The following ULK4 variants were observed in gnomAD, a reference collection of about 807,000 sequenced individuals.
ULK4 encodes the protein inactive serine/threonine-protein kinase ULK4.
A neutral mutation model predicts 160.6 loss-of-function variants in ULK4; 133 were observed. The ratio of observed to expected loss-of-function variants is 0.83; its 90% confidence interval spans 0.72 to 0.96. The LOEUF is 0.96. Ranked by LOEUF, ULK4 falls within the 40% of genes least tolerant of loss-of-function variation. The pLI is 0.00. For synonymous variants in ULK4, 534 were observed against 539.8 expected (o/e 0.99, Z 0.15); for missense variants, 1,580 against 1,499.5 (o/e 1.05, Z -0.89).
chr3:41,565,213 G>C (rs62256902), intron 32 of ULK4, among the ~76,000 whole-genome samples: 1 of 152,164 alleles, frequency 6.6e-6, no homozygotes, highest in Admixed American at 6.5e-5. Context: ...ACAGATTGCC[G>C]TAGTTACGTA....
intron 35 of ULK4, among the ~76,000 whole-genome samples, chr3:41,265,215 G>A (rs1222545727): frequency 1.3e-5 from 2 of 152,204 alleles, no homozygotes; most frequent in Admixed American, 6.5e-5. Flanking sequence ...AGGGGGCCAC[G>A]GCCAGCCAAA....
intron 22 of ULK4, among the ~76,000 whole-genome samples, chr3:41,738,806 T>C (rs1411587711): frequency 6.6e-6 from 1 of 151,988 alleles, no homozygotes; most frequent in African/African-American, 2.4e-5. Flanking sequence ...TGTGTGCCTC[T>C]CATTATCTGA....
chr3:41,632,471 C>T (rs753653491), intron 30 of ULK4, among the ~76,000 whole-genome samples: 2 of 152,132 alleles, frequency 1.3e-5, no homozygotes, highest in Non-Finnish European at 2.9e-5. Context: ...ACTTGATAAA[C>T]ATTTGTTTGG....
intron 35 of ULK4, among the ~76,000 whole-genome samples, chr3:41,279,034 G>A (rs544701261): frequency 6.6e-6 from 1 of 152,146 alleles, no homozygotes; most frequent in Admixed American, 6.5e-5. Context: ...CCATTGCAAG[G>A]AAGCTAAAAA....
At chr3:41,364,259 G>A (rs1481297572) in intron 35 of ULK4, among the ~76,000 whole-genome samples, 1 of 152,108 alleles carries the variant, frequency 6.6e-6, no homozygotes, top group Non-Finnish European at 1.5e-5. Context: ...TCTTAATCCA[G>A]TCACTGGTGA....
intron 34 of ULK4, among the ~76,000 whole-genome samples, chr3:41,412,926 T>C (rs1209471248): frequency 6.6e-6 from 1 of 152,152 alleles, no homozygotes; most frequent in Non-Finnish European, 1.5e-5. Flanking sequence ...TGCCCTTGCA[T>C]CATGTAACAA....
chr3:41,776,584 G>GGGCCAGATGCCGTGGCTC (rs1553650530), intron 21 of ULK4, among the ~76,000 whole-genome samples: 3 of 146,474 alleles, frequency 2.0e-5, no homozygotes, highest in African/African-American at 2.6e-5. Context: ...GGTACAAAAT[G>GGGCCAGATGCCGTGGCTC]AAATACGTCC....
chr3:41,315,800 T>C (rs1472753923), intron 35 of ULK4, among the ~76,000 whole-genome samples: 2 of 152,150 alleles, frequency 1.3e-5, no homozygotes, highest in East Asian at 1.9e-4. Context: ...TCAATATCAT[T>C]AGCCATCAGG....
At chr3:41,382,136 C>G (rs1420879634) in intron 35 of ULK4, among the ~76,000 whole-genome samples, 1 of 152,112 alleles carries the variant, frequency 6.6e-6, no homozygotes, top group African/African-American at 2.4e-5. Flanking sequence ...TCCTTTCTCT[C>G]TATATTTTTC....
chr3:41,339,626 C>A (rs547775521), intron 35 of ULK4, among the ~76,000 whole-genome samples: 1 of 152,294 alleles, frequency 6.6e-6, no homozygotes, highest in Admixed American at 6.5e-5. Flanking sequence ...CTGGTGAGGG[C>A]CAGGTGGAAT....
intron 18 of ULK4, among the ~76,000 whole-genome samples, chr3:41,833,286 G>GTTTTTTTTTT (rs767254673): frequency 9.1e-6 from 1 of 109,518 alleles, no homozygotes; most frequent in East Asian, 2.2e-4. Flanking sequence ...TTTTTTTTTT[G>GTTTTTTTTTT]TTTTTTTTTT....
chr3:41,353,163 T>G (rs1223215243), intron 35 of ULK4, among the ~76,000 whole-genome samples: 2 of 152,312 alleles, frequency 1.3e-5, no homozygotes, highest in East Asian at 3.9e-4. Flanking sequence ...TGGTACCCGT[T>G]GCTCCTGGGT....
At chr3:41,496,434 A>G (rs567680149) in intron 32 of ULK4, among the ~76,000 whole-genome samples, 111 of 152,224 alleles carry the variant, frequency 7.3e-4, no homozygotes, top group African/African-American at 2.4e-3. Flanking sequence ...AATGAGCCCC[A>G]TAACCACCCC....
At chr3:41,806,439 C>T (rs1288713699) in intron 19 of ULK4, among the ~76,000 whole-genome samples, 2 of 152,114 alleles carry the variant, frequency 1.3e-5, no homozygotes, top group East Asian at 3.8e-4. Context: ...AAACCAGCTC[C>T]TGGATTCATT....
chr3:41,247,831 G>A (rs1161309139), intron 36 of ULK4, among the ~76,000 whole-genome samples: 1 of 152,254 alleles, frequency 6.6e-6, no homozygotes, highest in Admixed American at 6.5e-5. Context: ...ACAAACTACT[G>A]GCAGAGCAGC....
chr3:41,471,130 C>A (rs2083980347), intron 32 of ULK4, among the ~76,000 whole-genome samples: 1 of 151,900 alleles, frequency 6.6e-6, no homozygotes, highest in African/African-American at 2.4e-5. Flanking sequence ...AGGACACACA[C>A]AAACTGAAAG....
At chr3:41,403,367 A>G (rs141773893) in intron 34 of ULK4, among the ~76,000 whole-genome samples, 2 of 152,300 alleles carry the variant, frequency 1.3e-5, no homozygotes, top group African/African-American at 4.8e-5. Context: ...TCCAAGTTAC[A>G]GAATTTATGA....
At chr3:41,669,939 A>G (rs1447068825) in intron 29 of ULK4, among the ~76,000 whole-genome samples, 1 of 152,234 alleles carries the variant, frequency 6.6e-6, no homozygotes, top group African/African-American at 2.4e-5. Context: ...TGAAGAAACC[A>G]TAGAATGGAG....
At chr3:41,913,741 T>C (rs759417597) in intron 8 of ULK4, among the ~76,000 whole-genome samples, 3 of 152,042 alleles carry the variant, frequency 2.0e-5, no homozygotes, top group African/African-American at 4.8e-5. Flanking sequence ...GGTGGGTAGA[T>C]TGCTTGAGTC....
Sources: gnomAD v4.1 joint callset for allele counts (sites outside exome capture counted in the v4.1 genomes callset) on GRCh38, gnomAD v4.1.1 for gene constraint, MANE v1.5 for transcripts, NCBI Gene and HGNC (gene_info 2026-07-23, HGNC 2026-07-21) for gene names.